The following ARHGEF10 variants were observed in gnomAD, a reference collection of about 807,000 sequenced individuals.
ARHGEF10 encodes the protein Rho guanine nucleotide exchange factor (GEF) 10.
In ARHGEF10, 140 loss-of-function variants were observed where a neutral mutation model predicts 147.4. The observed-to-expected ratio is 0.95, with a 90% CI of 0.83 to 1.09. The LOEUF is 1.09. Among genes scored for constraint, ARHGEF10 ranks in the 50% least tolerant of loss-of-function variants. The pLI is 0.00. For synonymous variants in ARHGEF10, 902 were observed against 695.8 expected (o/e 1.30, Z -4.67); for missense variants, 2,222 against 1,752.7 (o/e 1.27, Z -4.78).
At chr8:1,858,235 G>A (rs1252314637) in intron 3 of ARHGEF10, 120 bp downstream of exon 3, 5 of 882,916 alleles carry the variant, frequency 5.7e-6, no homozygotes, top group East Asian at 3.1e-5. Flanking sequence ...TGAGTCCCCA[G>A]GTGGGTCCCC....
intron 18 of ARHGEF10, among the ~76,000 whole-genome samples, chr8:1,915,478 C>T (rs551108319): frequency 6.6e-6 from 1 of 152,334 alleles, no homozygotes; most frequent in Admixed American, 6.5e-5. Context: ...AGCCCATCCC[C>T]AGGCCCAGCC....
chr8:1,862,582 G>T (rs1185592803), intron 4 of ARHGEF10, among the ~76,000 whole-genome samples: 3 of 152,196 alleles, frequency 2.0e-5, no homozygotes, highest in Non-Finnish European at 2.9e-5. Context: ...GTTTCCTGGG[G>T]TGGAGCCCTG....
intron 27 of ARHGEF10, chr8:1,945,945 T>C: frequency 3.5e-6 from 1 of 286,404 alleles, no homozygotes; most frequent in Non-Finnish European, 6.5e-6. Context: ...TAGGTCAGAG[T>C]GGGTGGGAGA....
At chr8:1,864,562 C>G in intron 5 of ARHGEF10, 126 bp downstream of exon 5, 1 of 936,626 alleles carries the variant, frequency 1.1e-6, no homozygotes, top group Non-Finnish European at 1.7e-6. Flanking sequence ...CTGTCCCAAC[C>G]CCACCTCCTG....
intron 21 of ARHGEF10, among the ~76,000 whole-genome samples, 153 bp downstream of exon 21, chr8:1,924,027 A>G (rs1242923306): frequency 6.6e-6 from 1 of 152,200 alleles, no homozygotes; most frequent in African/African-American, 2.4e-5. Flanking sequence ...TCACCCTGGC[A>G]CCGGCGATTT....
chr8:1,944,086 CCTCGGGACCCCAGCCT>C (rs1814339643), intron 26 of ARHGEF10, among the ~76,000 whole-genome samples: 2 of 151,008 alleles, frequency 1.3e-5, no homozygotes, highest in African/African-American at 4.9e-5. Context: ...GTGTCACCTC[CCTCGGGACCCCAGCCT>C]CCCGCACTGT....
rs1452387311 is a variant in ARHGEF10, at chr8:1,923,892, G to A, written c.2488+18G>A. On this transcript the variant is annotated intron_variant, in intron 21 of 28. Coordinates refer to ENST00000349830, the MANE Select transcript of ARHGEF10 (RefSeq NM_014629.4). ...CGCCCTAGGTAAGGCCTGGCTGGCT[G>A]AGGCTGAATGAGGCATGCGGCGTGA... The A allele has an allele frequency of 6.2e-7, 1 of 1,607,226 alleles. No homozygotes were observed. Among genetic ancestry groups the A allele is most frequent in the Non-Finnish European group, 8.5e-7 (1 of 1,173,790 alleles).
intron 18 of ARHGEF10, among the ~76,000 whole-genome samples, chr8:1,917,246 A>G (rs577620538): frequency 6.6e-6 from 1 of 152,266 alleles, no homozygotes; most frequent in African/African-American, 2.4e-5. Flanking sequence ...CCCAGTTTCC[A>G]TTTCTACTGG....
intron 26 of ARHGEF10, among the ~76,000 whole-genome samples, chr8:1,934,342 A>G (rs1340561940): frequency 4.7e-5 from 6 of 127,728 alleles, no homozygotes; most frequent in African/African-American, 1.8e-4. Flanking sequence ...TGACAGAACA[A>G]GACCCTGTCT....
At chr8:1,875,269 G>T (rs952580719) in intron 7 of ARHGEF10, among the ~76,000 whole-genome samples, 13 of 151,812 alleles carry the variant, frequency 8.6e-5, no homozygotes, top group African/African-American at 2.9e-4. Context: ...GGGGGTGGAG[G>T]TTCTAAGACA....
At position 1,843,342 on chromosome 8, in the gene ARHGEF10, CCTT is replaced by C. The variant is rs778265031; in HGVS notation, c.-47-7_-47-5del. 60 of 1,608,898 alleles carry C rather than the reference CCTT, an allele frequency of 3.7e-5. No individual in the cohort carries two copies. The highest frequency in any genetic ancestry group is 1.7e-4 in the Middle Eastern group (1 of 6,048). On this transcript the variant is annotated splice_polypyrimidine_tract_variant and splice_region_variant and intron_variant, in intron 1 of 28. Transcript: ENST00000349830. ...CTGAACGGTGACAAGCAGTGTCTCT[CCTT>C]CTTGCAGGAGCTCCTTCCCTTAACA...
intron 1 of ARHGEF10, among the ~76,000 whole-genome samples, chr8:1,826,448 G>C: frequency 6.6e-6 from 1 of 151,950 alleles, no homozygotes; most frequent in Middle Eastern, 3.4e-3. Flanking sequence ...GTGTGTGCGC[G>C]TGTGTGAGTT....
chr8:1,907,763 T>C (rs1368421134), intron 17 of ARHGEF10, among the ~76,000 whole-genome samples: 1 of 152,146 alleles, frequency 6.6e-6, no homozygotes, highest in Non-Finnish European at 1.5e-5. Flanking sequence ...CGAAGTGCAG[T>C]GGTGAGTCGC....
chr8:1,918,848 G>C (rs1811963808), intron 18 of ARHGEF10, among the ~76,000 whole-genome samples: 1 of 151,728 alleles, frequency 6.6e-6, no homozygotes. Flanking sequence ...GTGGGTGATA[G>C]AGCTGTTATG....
At chr8:1,850,424 A>G (rs561453606) in intron 2 of ARHGEF10, among the ~76,000 whole-genome samples, 3 of 141,088 alleles carry the variant, frequency 2.1e-5, no homozygotes, top group Non-Finnish European at 3.0e-5. Context: ...AACCGCGTGG[A>G]CACAGACGGC....
intron 2 of ARHGEF10, among the ~76,000 whole-genome samples, chr8:1,844,235 G>T (rs567022783): frequency 6.6e-6 from 1 of 152,132 alleles, no homozygotes; most frequent in Non-Finnish European, 1.5e-5. Flanking sequence ...GGATTTGGTC[G>T]TCTGTGCCCC....
At chr8:1,851,931 A>G (rs1454606285) in intron 2 of ARHGEF10, among the ~76,000 whole-genome samples, 3 of 151,534 alleles carry the variant, frequency 2.0e-5, no homozygotes, top group Non-Finnish European at 2.9e-5. Flanking sequence ...AAAAAAATTA[A>G]TAACCAAATG....
At chr8:1,869,646 CATAA>C (rs2129093804) in intron 7 of ARHGEF10, 1 of 325,158 alleles carries the variant, frequency 3.1e-6, no homozygotes, top group African/African-American at 2.1e-5. Flanking sequence ...TAAAGAAAAA[CATAA>C]ATTCTCAGAT....
intron 11 of ARHGEF10, among the ~76,000 whole-genome samples, chr8:1,889,541 AGTAGGGTAAGGAGTCTGTGT>A (rs1238974674): frequency 2.3e-5 from 2 of 88,320 alleles, no homozygotes; most frequent in Admixed American, 2.2e-4. Context: ...GGAGACACTG[AGTAGGGTAAGGAGTCTGTGT>A]GGAGACACTG....
Sources: gnomAD v4.1 joint callset for allele counts (sites outside exome capture counted in the v4.1 genomes callset) on GRCh38, gnomAD v4.1.1 for gene constraint, MANE v1.5 for transcripts, NCBI Gene and HGNC (gene_info 2026-07-23, HGNC 2026-07-21) for gene names.